Variants in STX18 observed in about 807,000 individuals in gnomAD.
STX18 encodes the protein syntaxin-18.
Under a neutral mutation model 50.1 loss-of-function variants are expected in STX18, and 40 were observed. The ratio of observed to expected loss-of-function variants is 0.80; its 90% CI spans 0.62 to 1.04. The LOEUF (loss-of-function observed/expected upper bound fraction) is 1.04. STX18 is among the 50% of genes least tolerant of loss of function. The pLI, the probability that STX18 is intolerant of heterozygous loss-of-function variation, is 0.00. For missense variants in STX18, 410 were observed against 415.8 expected (o/e 0.99, Z 0.12); for synonymous variants, 158 against 151.8 (o/e 1.04, Z -0.30).
intron 2 of STX18, among the ~76,000 whole-genome samples, chr4:4,470,305 C>A (rs111389135): frequency 0.034 from 5,162 of 152,238 alleles, 286 homozygotes; most frequent in African/African-American, 0.11. Flanking sequence ...GCGCAATACT[C>A]CTCTTCCTAG....
At chr4:4,422,401 T>C (rs965406397) in intron 9 of STX18, among the ~76,000 whole-genome samples, 2 of 151,740 alleles carry the variant, frequency 1.3e-5, no homozygotes, top group Non-Finnish European at 2.9e-5. Flanking sequence ...ACCCCGTCTT[T>C]ACTAAAAATA....
chr4:4,452,555 G>C (rs4334692), intron 5 of STX18, among the ~76,000 whole-genome samples: 53,346 of 152,040 alleles, frequency 0.35, 12,992 homozygotes, highest in African/African-American at 0.7. Flanking sequence ...AAAAATCTTG[G>C]GCATGGTGGC....
chr4:4,478,554 G>A (rs1486039514), intron 1 of STX18: 1 of 152,334 alleles, frequency 6.6e-6, no homozygotes, highest in Admixed American at 6.5e-5. Context: ...GAGGGCAGAG[G>A]AAAAGACTCT....
chr4:4,420,925 A>C lies in STX18; in HGVS notation c.851T>G (p.Ile284Ser). 1 of 1,614,168 alleles carries C rather than the reference A, an allele frequency of 6.2e-7. No homozygotes were observed. The highest frequency in any genetic ancestry group is 8.5e-7 in the Non-Finnish European group (1 of 1,180,026). The part of the protein sequence containing the change: ...VLQQEAEIDS[I>S]HQLVVGATEN... Reference sequence around the variant, plus strand: ...AGTTGCCCCCACAACTAACTGGTGAATGCTGTCAATCTCAGCTTCCTGTGG... The same window carrying C: ...AGTTGCCCCCACAACTAACTGGTGACTGCTGTCAATCTCAGCTTCCTGTGG... The change falls in exon 10 of 11, where the codon ATT becomes AGT. Residue 284 changes from isoleucine to serine, a missense_variant. Ile to Ser is a moderately radical substitution (Grantham distance 142). Coordinates refer to ENST00000306200, the MANE Select transcript of STX18 (RefSeq NM_016930.4). This position sits in a 1 kb window ranked among gnomAD's most constrained non-coding sequence, Gnocchi z 4.3.
At chr4:4,502,159 T>C (rs1439840668) in intron 1 of STX18, among the ~76,000 whole-genome samples, 1 of 152,232 alleles carries the variant, frequency 6.6e-6, no homozygotes, top group Non-Finnish European at 1.5e-5. Flanking sequence ...ATCTGCCAGA[T>C]ACCTCGAAAG....
chr4:4,500,957 A>G (rs1729426013), intron 1 of STX18, among the ~76,000 whole-genome samples: 1 of 152,188 alleles, frequency 6.6e-6, no homozygotes, highest in African/African-American at 2.4e-5. Flanking sequence ...GAATTGCTAG[A>G]ACCTAGGAGA....
chr4:4,481,764 C>G (rs1158263474), intron 1 of STX18: 1 of 152,286 alleles, frequency 6.6e-6, no homozygotes, highest in Non-Finnish European at 1.5e-5. Flanking sequence ...TGGGGACTGT[C>G]TGAGTCCTAT....
At chr4:4,541,138 TGAGTCATGCATTCTGA>T (rs1247212044) in intron 1 of STX18, among the ~76,000 whole-genome samples, 4 of 152,214 alleles carry the variant, frequency 2.6e-5, no homozygotes, top group Non-Finnish European at 4.4e-5. Context: ...AGCAATGCTA[TGAGTCATGCATTCTGA>T]GATGAAAACA....
intron 9 of STX18, among the ~76,000 whole-genome samples, chr4:4,422,293 G>T (rs1276717176): frequency 6.6e-6 from 1 of 152,144 alleles, no homozygotes; most frequent in Non-Finnish European, 1.5e-5. Context: ...TGGGCCGGGC[G>T]CAGTGGCTCT....
chr4:4,524,092 G>T (rs141297316), intron 1 of STX18, among the ~76,000 whole-genome samples: 3 of 152,174 alleles, frequency 2.0e-5, no homozygotes, highest in African/African-American at 7.2e-5. Context: ...TCTCACTCAC[G>T]TTTGTACACC....
At chr4:4,539,282 T>A (rs1577416099) in intron 1 of STX18, among the ~76,000 whole-genome samples, 1 of 152,348 alleles carries the variant, frequency 6.6e-6, no homozygotes, top group South Asian at 2.1e-4. Flanking sequence ...TCATTAAGTC[T>A]GACAACCAGG....
chr4:4,449,775 AATTTATTC>A (rs1726650681), intron 5 of STX18, among the ~76,000 whole-genome samples: 1 of 152,080 alleles, frequency 6.6e-6, no homozygotes, highest in Non-Finnish European at 1.5e-5. Flanking sequence ...TCAATCTTTC[AATTTATTC>A]ATTTATTTAT....
chr4:4,504,581 CTTG>C (rs776629435), intron 1 of STX18, among the ~76,000 whole-genome samples: 66 of 152,242 alleles, frequency 4.3e-4, no homozygotes, highest in Middle Eastern at 3.4e-3. Flanking sequence ...TGACAAAGGA[CTTG>C]TTGTTCAGAA....
intron 1 of STX18, among the ~76,000 whole-genome samples, chr4:4,532,822 T>C (rs146786600): frequency 9.8e-5 from 15 of 152,322 alleles, no homozygotes; most frequent in African/African-American, 2.9e-4. Flanking sequence ...GCTAAGACTA[T>C]AGAATTCACT....
At chr4:4,423,760 G>C (rs189974961) in intron 8 of STX18, 173 bp from the exon 9 acceptor site, 1 of 641,316 alleles carries the variant, frequency 1.6e-6, no homozygotes, top group Admixed American at 2.7e-5. Context: ...CTCCTTACTG[G>C]GTCACCTTCC....
intron 1 of STX18, among the ~76,000 whole-genome samples, chr4:4,504,794 T>C (rs1237095926): frequency 6.6e-6 from 1 of 152,114 alleles, no homozygotes; most frequent in Non-Finnish European, 1.5e-5. Flanking sequence ...TAAAAAATAC[T>C]AAAAATACCA....
intron 1 of STX18, among the ~76,000 whole-genome samples, chr4:4,508,536 CA>C (rs1373448171): frequency 3.3e-5 from 5 of 152,052 alleles, no homozygotes; most frequent in Non-Finnish European, 1.5e-5. Flanking sequence ...TGTGTAACAA[CA>C]AACAATTTTT....
intron 1 of STX18, among the ~76,000 whole-genome samples, chr4:4,492,039 TG>T (rs977784835): frequency 6.6e-6 from 1 of 152,060 alleles, no homozygotes; most frequent in African/African-American, 2.4e-5. Flanking sequence ...ATGATGCCTT[TG>T]GGGTATCATT....
At position 4,496,283 on chromosome 4, in the gene STX18, G is replaced by A. The variant is rs149194004; in HGVS notation, c.169-24577C>T. Among the ~76,000 whole-genome samples, 5 of 152,200 alleles carry A rather than the reference G, an allele frequency of 3.3e-5. No individual in the cohort carries two copies. The East Asian group carries it at 7.7e-4, about 24-fold the overall frequency. On this transcript the variant is annotated intron_variant, in intron 1 of 10. Coordinates refer to ENST00000306200, the MANE Select transcript of STX18 (RefSeq NM_016930.4). ...CAGGATGAACTGGCACCCAAAAATC[G>A]CTGAGGCTCTCACAACTTGATAATC...
Sources: allele counts gnomAD v4.1 joint callset (sites outside exome capture counted in the v4.1 genomes callset), GRCh38; gene constraint gnomAD v4.1.1; non-coding constraint Gnocchi (gnomAD v3.1); transcripts MANE v1.5; gene names NCBI Gene and HGNC (gene_info 2026-07-23, HGNC 2026-07-21).